Variants in CCDC6 observed in about 807,000 individuals in gnomAD.
The protein encoded by CCDC6 is coiled-coil domain-containing protein 6.
In CCDC6, 20 loss-of-function variants were observed where a neutral mutation model predicts 56.6. The ratio of observed to expected loss-of-function variants is 0.35; its 90% CI spans 0.25 to 0.51. CCDC6 has a LOEUF of 0.51. CCDC6 is among the 20% of genes least tolerant of loss of function. The pLI is 0.95. For synonymous variants in CCDC6, 241 were observed against 234.4 expected (o/e 1.03, Z -0.26); for missense variants, 367 against 601.1 (o/e 0.61, Z 4.07).
chr10:59,851,699 T>C (rs1162310769), intron 2 of CCDC6, among the ~76,000 whole-genome samples: 1 of 152,160 alleles, frequency 6.6e-6, no homozygotes, highest in Non-Finnish European at 1.5e-5. Context: ...TCAAGCAAAT[T>C]AATGAAATTG....
At chr10:59,798,730 C>T (rs12261561) in intron 7 of CCDC6, among the ~76,000 whole-genome samples, 57,379 of 152,026 alleles carry the variant, frequency 0.38, 10,914 homozygotes, top group South Asian at 0.44. Flanking sequence ...CGTGGTGGCT[C>T]ACGCCTGTAA....
Position 59,822,993 on chromosome 10 carries a change from G to A in CCDC6, c.583-8238C>T, listed in dbSNP as rs374620754. Among the ~76,000 whole-genome samples the A allele has an allele frequency of 1.1e-3, 161 of 152,026 alleles. 1 individual carries two copies. Among genetic ancestry groups the A allele is most frequent in the African/African-American group, 3.7e-3 (154 of 41,390 alleles). ...GACTTCGGAGGGACAGCTTGCTGGC[G>A]TAACTTTGGAGAAGACTACAGGCAG... is the stretch of plus-strand genomic sequence containing the variant. On this transcript the variant is annotated intron_variant, in intron 3 of 8. Transcript: ENST00000263102.
intron 1 of CCDC6, among the ~76,000 whole-genome samples, chr10:59,883,781 C>G (rs1010171174): frequency 6.6e-6 from 1 of 152,228 alleles, no homozygotes; most frequent in Non-Finnish European, 1.5e-5. Context: ...GCTAAGATCC[C>G]TATCACATAT....
intron 1 of CCDC6, among the ~76,000 whole-genome samples, chr10:59,865,697 C>A (rs1036179914): frequency 1.3e-5 from 2 of 151,580 alleles, no homozygotes; most frequent in African/African-American, 4.9e-5. Flanking sequence ...ACTAAAAATA[C>A]AAAAATTAGC....
chr10:59,855,443 T>C (rs1161206806), intron 1 of CCDC6, among the ~76,000 whole-genome samples: 1 of 152,188 alleles, frequency 6.6e-6, no homozygotes, highest in Admixed American at 6.5e-5. Flanking sequence ...GGTGAGCGCC[T>C]GTAATCCCAG....
intron 3 of CCDC6, among the ~76,000 whole-genome samples, chr10:59,815,926 C>G (rs563662392): frequency 1.3e-5 from 2 of 152,200 alleles, no homozygotes; most frequent in Non-Finnish European, 2.9e-5. Flanking sequence ...AGCAATCAAA[C>G]ATCAGAAAAT....
intron 5 of CCDC6, among the ~76,000 whole-genome samples, chr10:59,810,910 A>C (rs1233589961): frequency 6.6e-6 from 1 of 152,182 alleles, no homozygotes; most frequent in Non-Finnish European, 1.5e-5. Context: ...CATAATCACA[A>C]GGATCCTAAT....
At chr10:59,793,599 C>A (rs772457437) in intron 8 of CCDC6, among the ~76,000 whole-genome samples, 2 of 152,120 alleles carry the variant, frequency 1.3e-5, no homozygotes, top group Non-Finnish European at 2.9e-5. Flanking sequence ...GCCTGGCCAA[C>A]AGGGCAAAAC....
Position 59,812,737 on chromosome 10 carries a change from A to C in CCDC6, c.745T>G (p.Ser249Ala). Residue 249 changes from serine to alanine, a missense_variant, in exon 5 of 9, where the codon TCC becomes GCC. Physicochemically the swap from Ser to Ala is moderately conservative, Grantham distance 99. Transcript: ENST00000263102. ...TTTTCTGGAGAATCAATCTCCATGG[A>C]GATATCTCTAGGCGATGGTGGAGCA... is the stretch of plus-strand genomic sequence containing the variant. ...VSAPPSPRDI[S>A]MEIDSPENMM... 6.2e-7 allele frequency: 1 copy of C among 1,611,464 alleles called. No individual in the cohort carries two copies. The highest frequency in any genetic ancestry group is 8.5e-7 in the Non-Finnish European group (1 of 1,177,762).
At chr10:59,893,445 C>T (rs1177046953) in intron 1 of CCDC6, among the ~76,000 whole-genome samples, 1 of 151,906 alleles carries the variant, frequency 6.6e-6, no homozygotes, top group Non-Finnish European at 1.5e-5. Flanking sequence ...CAAAAAAAAT[C>T]CAAGAAACAA....
rs748563183 is a variant in CCDC6 at position 59,793,121 on chromosome 10, G to C, written c.1231-10C>G. ...TCCGTGGTGAAGGCCTCTGCAGAGGGGACAGGAACAGCAAGTCAGTCTAGG... is the reference window on the plus strand; with the variant it reads ...TCCGTGGTGAAGGCCTCTGCAGAGGCGACAGGAACAGCAAGTCAGTCTAGG... On this transcript the variant is annotated splice_polypyrimidine_tract_variant and intron_variant, in intron 8 of 8. Transcript: ENST00000263102. The C allele has an allele frequency of 6.2e-7, 1 of 1,613,062 alleles. No homozygotes were observed. The highest frequency in any genetic ancestry group is 2.2e-5 in the East Asian group (1 of 44,862).
At chr10:59,866,542 T>C (rs1192689294) in intron 1 of CCDC6, among the ~76,000 whole-genome samples, 2 of 152,218 alleles carry the variant, frequency 1.3e-5, no homozygotes, top group African/African-American at 4.8e-5. Flanking sequence ...TGTTTAAGTA[T>C]TGATTGTATT....
At chr10:59,894,115 A>G (rs186844816) in intron 1 of CCDC6, among the ~76,000 whole-genome samples, 206 of 152,352 alleles carry the variant, frequency 1.4e-3, no homozygotes, top group African/African-American at 4.9e-3. Flanking sequence ...CTAATGATAA[A>G]TAACAAGATA....
chr10:59,835,770 A>G (rs2070876874), intron 2 of CCDC6, among the ~76,000 whole-genome samples: 1 of 152,194 alleles, frequency 6.6e-6, no homozygotes, highest in Non-Finnish European at 1.5e-5. Flanking sequence ...ATAAAAAGAG[A>G]AACACGGCCA....
intron 1 of CCDC6, 134 bp from the exon 2 acceptor site, chr10:59,852,836 C>A: frequency 1.6e-6 from 1 of 607,476 alleles, no homozygotes; most frequent in Non-Finnish European, 2.6e-6. Flanking sequence ...TAGCTGTGAA[C>A]CAACACACCC....
chr10:59,799,029 C>T (rs1366318539), intron 7 of CCDC6, among the ~76,000 whole-genome samples: 9 of 137,100 alleles, frequency 6.6e-5, no homozygotes, highest in Admixed American at 6.0e-4. Flanking sequence ...GGATCCTTGT[C>T]TTCAAATAGG....
chr10:59,830,334 G>C (rs59509864), intron 3 of CCDC6, among the ~76,000 whole-genome samples: 2,508 of 152,162 alleles, frequency 0.016, 88 homozygotes, highest in African/African-American at 0.057. Context: ...CCAAGAGATG[G>C]GCTCAAGGGC....
chr10:59,821,492 C>T (rs2070749196), intron 3 of CCDC6, among the ~76,000 whole-genome samples: 1 of 152,158 alleles, frequency 6.6e-6, no homozygotes. Flanking sequence ...AAAGACAAAA[C>T]AAGTAGTCAG....
intron 2 of CCDC6, among the ~76,000 whole-genome samples, chr10:59,838,399 A>G: frequency 6.6e-6 from 1 of 152,124 alleles, no homozygotes; most frequent in East Asian, 1.9e-4. Flanking sequence ...TCCTGCTCAA[A>G]ACTCTTCAAT....
Sources: gnomAD v4.1 joint callset for allele counts (sites outside exome capture counted in the v4.1 genomes callset) on GRCh38, gnomAD v4.1.1 for gene constraint, MANE v1.5 for transcripts, NCBI Gene and HGNC (gene_info 2026-07-23, HGNC 2026-07-21) for gene names.